CCDC57: variants seen among roughly 807,000 people sequenced by gnomAD.
The protein encoded by CCDC57 is coiled-coil domain containing 57, also known as coiled-coil domain-containing protein 57.
A neutral mutation model predicts 118.9 loss-of-function variants in CCDC57; 118 were observed. The ratio of observed to expected loss-of-function variants is 0.99; its 90% CI spans 0.86 to 1.16. The LOEUF (loss-of-function observed/expected upper bound fraction) is 1.16. CCDC57 is among the 50% of genes most tolerant of loss of function. The probability of loss-of-function intolerance (pLI) is 0.00; values close to 1 mark genes in which losing one functional copy is unlikely to be tolerated. For missense variants in CCDC57, 1,300 were observed against 1,320.7 expected (o/e 0.98, Z 0.24); for synonymous variants, 527 against 532.9 (o/e 0.99, Z 0.15).
intron 15 of CCDC57, chr17:82,157,444 T>A: frequency 7.3e-7 from 1 of 1,363,064 alleles, no homozygotes; most frequent in Non-Finnish European, 9.4e-7. Context: ...CCACCTTCAG[T>A]GTGTGCGTTT....
intron 11 of CCDC57, among the ~76,000 whole-genome samples, chr17:82,174,168 A>G (rs953120204): frequency 1.3e-5 from 2 of 152,184 alleles, no homozygotes; most frequent in African/African-American, 4.8e-5. Context: ...CACTCCATGA[A>G]CACAAACCTG....
intron 8 of CCDC57, among the ~76,000 whole-genome samples, chr17:82,187,213 G>C (rs1015458716): frequency 1.5e-5 from 2 of 137,514 alleles, no homozygotes; most frequent in African/African-American, 5.5e-5. Flanking sequence ...CTCCAGCCTC[G>C]GTAACAGAGC....
intron 19 of CCDC57, among the ~76,000 whole-genome samples, chr17:82,115,182 C>T (rs1022552053): frequency 1.3e-5 from 2 of 152,010 alleles, no homozygotes; most frequent in East Asian, 1.9e-4. Context: ...CCCCAGCCTG[C>T]GGCAACCACT....
At chr17:82,151,203 ATC>A (rs1429204605) in intron 16 of CCDC57, among the ~76,000 whole-genome samples, 1 of 140,028 alleles carries the variant, frequency 7.1e-6, no homozygotes, top group Non-Finnish European at 1.5e-5. Context: ...CCAGGCGCAC[ATC>A]CAGAACCTGA....
exon 6 of CCDC57, chr17:82,194,085 C>A: frequency 6.2e-7 from 1 of 1,613,952 alleles, no homozygotes; most frequent in South Asian, 1.1e-5. Flanking sequence ...AGACTCTCTG[C>A]AGCCTTTGCC....
At chr17:82,145,832 A>C (rs1387611910) in intron 16 of CCDC57, 2 of 463,650 alleles carry the variant, frequency 4.3e-6, no homozygotes, top group South Asian at 1.6e-5. Flanking sequence ...CTTATCTCAG[A>C]GGGGGCCCAC....
intron 19 of CCDC57, 195 bp downstream of exon 18, chr17:82,127,497 G>A: frequency 7.1e-6 from 7 of 985,452 alleles, no homozygotes; most frequent in Non-Finnish European, 8.4e-6. Context: ...GCCCTTCAGG[G>A]CTTTGCACCA....
In CCDC57 at chr17:82,151,980, AGGCCCACAGATCTCCCAGGCCAGGGT is replaced by A. The variant is rs1278113371; in HGVS notation, c.2242-233_2242-208del. The A allele has an allele frequency of 5.3e-6, 3 of 570,226 alleles. No homozygotes were observed. The African/African-American group carries it at 5.6e-5, about 11-fold the overall frequency. 35.3% of individuals were successfully genotyped at this position (570,226 alleles called of 1,614,324 possible). ...TCCTTCTCTTCCACAAATAGAATAA[AGGCCCACAGATCTCCCAGGCCAGGGT>A]GGCCCCCAGATCTCCCAGGCCCTCA... On this transcript the variant is annotated intron_variant, in intron 15 of 19. Transcript: ENST00000665763.
At chr17:82,193,425 T>C (rs537901181) in intron 7 of CCDC57, among the ~76,000 whole-genome samples, 2 of 152,086 alleles carry the variant, frequency 1.3e-5, no homozygotes, top group Admixed American at 6.5e-5. Flanking sequence ...TGCACGCCTA[T>C]AGCACCAGCT....
intron 18 of CCDC57, among the ~76,000 whole-genome samples, 181 bp from the exon 18 acceptor site, chr17:82,128,089 G>T (rs1337719876): frequency 6.6e-6 from 1 of 152,092 alleles, no homozygotes; most frequent in East Asian, 1.9e-4. Flanking sequence ...TCCGGGGAGC[G>T]AGTCTCAGCG....
In CCDC57 at chr17:82,163,201, TTCTG is replaced by T. The variant is rs2043565951; in HGVS notation, c.2035_2038del (p.Gln679ArgfsTer43). The stretch of plus-strand genomic sequence containing the variant: ...ACCCCACAAACTTGACTGCCTCACC[TTCTG>T]TCTGAGTCGTGTCACCAGCAGGTTT... On this transcript the variant is annotated frameshift_variant and splice_region_variant, in exon 14 of 20. Transcript: ENST00000665763. LOFTEE classifies it high-confidence loss of function. The T allele has an allele frequency of 2.5e-6, 4 of 1,613,654 alleles. No individual in the cohort carries two copies. Among genetic ancestry groups the T allele is most frequent in the South Asian group, 1.1e-5 (1 of 91,084 alleles).
At chr17:82,150,899 C>CCAGAACCAGGTGCACACT (rs1194542626) in intron 16 of CCDC57, among the ~76,000 whole-genome samples, 4 of 94,148 alleles carry the variant, frequency 4.2e-5, no homozygotes, top group African/African-American at 1.2e-4. Context: ...TGACCCACAC[C>CCAGAACCAGGTGCACACT]CAGAACCTGA....
At chr17:82,178,642 G>T in intron 10 of CCDC57, 37 bp from the exon 10 acceptor site, 1 of 1,602,048 alleles carries the variant, frequency 6.2e-7, no homozygotes, top group South Asian at 1.1e-5. Flanking sequence ...CTGTGTGGAT[G>T]ACCGGGCAGC....
chr17:82,178,929 A>G, intron 10 of CCDC57, 98 bp downstream of exon 9: 1 of 1,370,124 alleles, frequency 7.3e-7, no homozygotes, highest in South Asian at 1.4e-5. Context: ...AGTGTTTTCA[A>G]ATTTAAAGAA....
At chr17:82,130,662 C>T (rs751434385) in intron 17 of CCDC57, among the ~76,000 whole-genome samples, 3 of 150,550 alleles carry the variant, frequency 2.0e-5, no homozygotes, top group African/African-American at 4.9e-5. Context: ...GCCACCACAA[C>T]TGGCTAATTT....
chr17:82,136,686 C>T (rs1356040696), intron 16 of CCDC57, among the ~76,000 whole-genome samples: 4 of 151,722 alleles, frequency 2.6e-5, no homozygotes, highest in Non-Finnish European at 4.4e-5. Flanking sequence ...CAGCCTCCAC[C>T]TCCTGGGCTC....
chr17:82,129,828 T>C lies in CCDC57; in HGVS notation c.2578-1231A>G, dbSNP rs138021102. On this transcript the variant is annotated intron_variant, in intron 17 of 19. Coordinates refer to ENST00000665763, the Ensembl canonical transcript of CCDC57. ...GATCACTGGAGCCCAGAGTTCTAGG[T>C]TCCAGTGAGCCTGGATCACACCACT... Among the ~76,000 whole-genome samples, 17 of 152,100 alleles carry C rather than the reference T, an allele frequency of 1.1e-4. No individual in the cohort carries two copies. The East Asian group carries it at 3.3e-3, about 29-fold the overall frequency.
intron 19 of CCDC57, chr17:82,127,276 G>T: frequency 5.1e-6 from 5 of 985,232 alleles, no homozygotes; most frequent in Non-Finnish European, 6.0e-6. Context: ...CGGGAGCATC[G>T]CTGGGGTCGA....
intron 16 of CCDC57, among the ~76,000 whole-genome samples, chr17:82,146,470 C>G (rs1277087908): frequency 1.3e-5 from 2 of 152,120 alleles, no homozygotes; most frequent in African/African-American, 4.8e-5. Context: ...GCCCCGACCT[C>G]CTGCGCTCAA....
Sources: allele counts gnomAD v4.1 joint callset (sites outside exome capture counted in the v4.1 genomes callset), GRCh38; gene constraint gnomAD v4.1.1; transcripts MANE v1.5; gene names NCBI Gene and HGNC (gene_info 2026-07-23, HGNC 2026-07-21).